The following LRMDA variants were observed in gnomAD, a reference collection of about 807,000 sequenced individuals.
LRMDA encodes the protein leucine-rich melanocyte differentiation-associated protein.
In LRMDA, 18 loss-of-function variants were observed where a neutral mutation model predicts 29.8. That is an observed-to-expected ratio of 0.60 (90% CI 0.42 to 0.90). The LOEUF is 0.90. Among genes scored for constraint, LRMDA ranks in the 40% least tolerant of loss-of-function variants. LRMDA has a pLI of 0.00. For missense variants in LRMDA, 273 were observed against 273.9 expected (o/e 1.00, Z 0.02); for synonymous variants, 125 against 109.4 (o/e 1.14, Z -0.89).
At chr10:76,544,705 TACATGCACACACACACACACACAC>T (rs1843398174) in intron 6 of LRMDA, among the ~76,000 whole-genome samples, 1 of 114,234 alleles carries the variant, frequency 8.8e-6, no homozygotes, top group Non-Finnish European at 1.8e-5. Flanking sequence ...TTTACATATA[TACATGCACACACACACACACACAC>T]ACACACACAC....
At chr10:76,144,193 A>G (rs1850264050) in intron 5 of LRMDA, among the ~76,000 whole-genome samples, 1 of 152,158 alleles carries the variant, frequency 6.6e-6, no homozygotes, top group Admixed American at 6.5e-5. Flanking sequence ...TTGGTTCCAT[A>G]TGAACTTTAA....
At chr10:75,619,836 C>A (rs1841158281) in intron 2 of LRMDA, among the ~76,000 whole-genome samples, 2 of 152,168 alleles carry the variant, frequency 1.3e-5, no homozygotes, top group African/African-American at 4.8e-5. Context: ...CCGTGTGACC[C>A]TTGTGTGCAA....
At chr10:76,505,908 C>T (rs1315550320) in intron 6 of LRMDA, among the ~76,000 whole-genome samples, 1 of 152,126 alleles carries the variant, frequency 6.6e-6, no homozygotes, top group Non-Finnish European at 1.5e-5. Flanking sequence ...TTAGCTGTAG[C>T]ATAAGTTGAG....
At position 75,875,651 on chromosome 10, in the gene LRMDA, C is replaced by T. The variant is rs527747807; in HGVS notation, c.132-160357C>T. Among the ~76,000 whole-genome samples the T allele has an allele frequency of 2.1e-4, 32 of 152,292 alleles. 1 individual carries two copies. The East Asian group carries it at 4.6e-3, about 22-fold the overall frequency. On this transcript the variant is annotated intron_variant, in intron 2 of 6. Transcript: ENST00000611255. ...TTCACTATGTTGGTCAGGCTGGTCTCGAACTCCTGACCTCAGGTGATCCAC... is the reference window on the plus strand; with the variant it reads ...TTCACTATGTTGGTCAGGCTGGTCTTGAACTCCTGACCTCAGGTGATCCAC...
rs73280838 is a variant in LRMDA, at chr10:75,668,149, C to A, written c.131+229655C>A. ...TACTTCTGCCAATAATCCTTGTGACCTGTACCATACCTGCCTGGATCTCTT... is the reference window on the plus strand; with the variant it reads ...TACTTCTGCCAATAATCCTTGTGACATGTACCATACCTGCCTGGATCTCTT... On this transcript the variant is annotated intron_variant, in intron 2 of 6. Coordinates refer to ENST00000611255, the MANE Select transcript of LRMDA (RefSeq NM_001305581.2). Among the ~76,000 whole-genome samples, 1,275 of 152,328 alleles carry A rather than the reference C, an allele frequency of 8.4e-3. 22 individuals are homozygous for A. Among genetic ancestry groups the A allele is most frequent in the African/African-American group, 0.029 (1,188 of 41,580 alleles).
intron 2 of LRMDA, among the ~76,000 whole-genome samples, chr10:75,679,238 AAAC>A (rs1326257703): frequency 2.0e-5 from 3 of 152,178 alleles, no homozygotes; most frequent in Admixed American, 1.3e-4. Flanking sequence ...TTCTTTTCTA[AAAC>A]AACAAAAATA....
intron 2 of LRMDA, among the ~76,000 whole-genome samples, chr10:75,898,737 C>T (rs1254144839): frequency 6.6e-6 from 1 of 152,118 alleles, no homozygotes; most frequent in South Asian, 2.1e-4. Context: ...GAAGCTTGAC[C>T]TTGCTGTATG....
intron 2 of LRMDA, among the ~76,000 whole-genome samples, chr10:75,627,290 T>G (rs12255051): frequency 0.03 from 4,518 of 152,314 alleles, 160 homozygotes; most frequent in African/African-American, 0.078. Flanking sequence ...AGCCAAGGGT[T>G]GAATTTCCTG....
intron 5 of LRMDA, among the ~76,000 whole-genome samples, chr10:76,289,570 A>G (rs1840313527): frequency 6.6e-6 from 1 of 152,168 alleles, no homozygotes. Flanking sequence ...CGCATTGTCT[A>G]ATCTCCCTAT....
chr10:75,863,235 G>T (rs1383703717), intron 2 of LRMDA, among the ~76,000 whole-genome samples: 3 of 152,146 alleles, frequency 2.0e-5, no homozygotes, highest in Admixed American at 2.0e-4. Context: ...TGTTAGCGTT[G>T]GGGGGAGGGG....
intron 6 of LRMDA, among the ~76,000 whole-genome samples, chr10:76,526,833 G>T (rs2132368363): frequency 9.3e-6 from 1 of 108,106 alleles, no homozygotes; most frequent in East Asian, 3.3e-4. Flanking sequence ...GACTGTTGTG[G>T]GGTGGGGGGA....
intron 2 of LRMDA, among the ~76,000 whole-genome samples, chr10:75,523,034 AG>A (rs1429281174): frequency 6.6e-6 from 1 of 152,252 alleles, no homozygotes; most frequent in Non-Finnish European, 1.5e-5. Context: ...CCAGTAGTGC[AG>A]CCTTGGACAA....
At chr10:75,998,240 A>G (rs567935895) in intron 2 of LRMDA, among the ~76,000 whole-genome samples, 4 of 152,162 alleles carry the variant, frequency 2.6e-5, no homozygotes, top group African/African-American at 4.8e-5. Context: ...TTCCTATTCT[A>G]TAGTATTTGT....
intron 2 of LRMDA, among the ~76,000 whole-genome samples, chr10:75,597,499 T>G (rs1423489290): frequency 2.0e-5 from 3 of 152,242 alleles, no homozygotes; most frequent in Non-Finnish European, 2.9e-5. Flanking sequence ...TCTGGGATAT[T>G]GTTTAAATAC....
At chr10:75,498,445 G>A (rs1845074119) in intron 2 of LRMDA, among the ~76,000 whole-genome samples, 3 of 152,130 alleles carry the variant, frequency 2.0e-5, no homozygotes, top group Non-Finnish European at 4.4e-5. Context: ...CAGATGGAGC[G>A]ACGTGTGTGT....
At position 75,552,140 on chromosome 10, in the gene LRMDA, C is replaced by T. The variant is rs369877145; in HGVS notation, c.131+113646C>T. 2.0e-5 allele frequency among the ~76,000 whole-genome samples: 3 copies of T among 152,148 alleles called. No homozygotes were observed. The East Asian group carries it at 5.8e-4, about 29-fold the overall frequency. On this transcript the variant is annotated intron_variant, in intron 2 of 6. Transcript: ENST00000611255. ...TAATCATTTCTAGAGCTCTTTCTTTCTGTAGATCTGAATTTCCTTCTAGTA... is the reference window on the plus strand; with the variant it reads ...TAATCATTTCTAGAGCTCTTTCTTTTTGTAGATCTGAATTTCCTTCTAGTA...
chr10:76,399,248 G>A (rs529574210), intron 6 of LRMDA, among the ~76,000 whole-genome samples: 7 of 152,212 alleles, frequency 4.6e-5, no homozygotes, highest in African/African-American at 1.7e-4. Flanking sequence ...TGTTTTTGAG[G>A]GGCCTTTGCC....
At chr10:75,689,234 C>T (rs1246349443) in intron 2 of LRMDA, among the ~76,000 whole-genome samples, 1 of 152,164 alleles carries the variant, frequency 6.6e-6, no homozygotes, top group Non-Finnish European at 1.5e-5. Flanking sequence ...GATTTCCTTC[C>T]AACGGCACAT....
chr10:75,910,794 C>T (rs765810440), intron 2 of LRMDA, among the ~76,000 whole-genome samples: 53 of 152,276 alleles, frequency 3.5e-4, no homozygotes, highest in Middle Eastern at 6.8e-3. Flanking sequence ...CTACCAGATA[C>T]CGAGGTGGCC....
Sources: allele counts gnomAD v4.1 joint callset (sites outside exome capture counted in the v4.1 genomes callset), GRCh38; gene constraint gnomAD v4.1.1; transcripts MANE v1.5; gene names NCBI Gene and HGNC (gene_info 2026-07-23, HGNC 2026-07-21).